Variants in RETREG1 observed in about 807,000 individuals in gnomAD.
RETREG1 encodes the protein family with sequence similarity 134 member B.
In RETREG1, 44 loss-of-function variants were observed where a neutral mutation model predicts 54.8. The observed-to-expected ratio is 0.80, with a 90% CI of 0.63 to 1.03. The LOEUF is 1.03. Among genes scored for constraint, RETREG1 ranks in the 50% least tolerant of loss-of-function variants. The pLI is 0.00. For missense variants in RETREG1, 554 were observed against 605.1 expected (o/e 0.92, Z 0.89); for synonymous variants, 217 against 238.5 (o/e 0.91, Z 0.83).
intron 2 of RETREG1, among the ~76,000 whole-genome samples, chr5:16,568,962 G>T (rs17613128): frequency 0.07 from 10,583 of 152,220 alleles, 419 homozygotes; most frequent in Non-Finnish European, 0.095. Context: ...TGACTTGGTC[G>T]TCCTTTCATT....
At chr5:16,568,633 G>A (rs1374840754) in intron 2 of RETREG1, among the ~76,000 whole-genome samples, 1 of 152,074 alleles carries the variant, frequency 6.6e-6, no homozygotes, top group Non-Finnish European at 1.5e-5. Flanking sequence ...GTAACTGGGA[G>A]TCGTCAAAGT....
intron 3 of RETREG1, among the ~76,000 whole-genome samples, chr5:16,485,803 T>C (rs1336399671): frequency 6.6e-6 from 1 of 152,222 alleles, no homozygotes; most frequent in Non-Finnish European, 1.5e-5. Flanking sequence ...TATCCACTAA[T>C]TTATTCATTT....
intron 3 of RETREG1, among the ~76,000 whole-genome samples, chr5:16,530,443 G>T (rs1740878149): frequency 6.6e-6 from 1 of 152,194 alleles, no homozygotes; most frequent in African/African-American, 2.4e-5. Flanking sequence ...TTATATAGTG[G>T]TTGTGGAGAT....
intron 1 of RETREG1, among the ~76,000 whole-genome samples, chr5:16,574,265 G>A (rs1218662412): frequency 6.6e-6 from 1 of 152,176 alleles, no homozygotes; most frequent in Non-Finnish European, 1.5e-5. Context: ...ACAAGATTGG[G>A]GAGATAGGAT....
At chr5:16,485,654 T>C (rs749522532) in intron 3 of RETREG1, among the ~76,000 whole-genome samples, 1 of 152,230 alleles carries the variant, frequency 6.6e-6, no homozygotes, top group Non-Finnish European at 1.5e-5. Context: ...ATTGTCACTA[T>C]AGAGATAATG....
intron 5 of RETREG1, among the ~76,000 whole-genome samples, chr5:16,480,594 A>C (rs1738725586): frequency 6.6e-6 from 1 of 152,138 alleles, no homozygotes; most frequent in Non-Finnish European, 1.5e-5. Flanking sequence ...CTTGCTCTGC[A>C]TCCCTCCTAA....
At chr5:16,570,679 A>G (rs1742148953) in intron 2 of RETREG1, among the ~76,000 whole-genome samples, 1 of 152,234 alleles carries the variant, frequency 6.6e-6, no homozygotes, top group African/African-American at 2.4e-5. Flanking sequence ...CAGATAAATA[A>G]GAATCATCAA....
chr5:16,573,742 G>GTTTTTTTTTTTT (rs34651832), intron 1 of RETREG1, among the ~76,000 whole-genome samples: 3 of 126,534 alleles, frequency 2.4e-5, no homozygotes, highest in South Asian at 2.5e-4. Flanking sequence ...TTTGTTTTTT[G>GTTTTTTTTTTTT]TTTTTTTTTT....
At chr5:16,510,758 C>T (rs1260840970) in intron 3 of RETREG1, among the ~76,000 whole-genome samples, 1 of 147,752 alleles carries the variant, frequency 6.8e-6, no homozygotes, top group Non-Finnish European at 1.5e-5. Flanking sequence ...CCACTGCACT[C>T]CAGTCTAGGT....
Position 16,516,063 on chromosome 5 carries a change from C to CAA in RETREG1, c.459-32593_459-32592dup, listed in dbSNP as rs11351805. Reference sequence around the variant, plus strand: ...TTCCATGTAAATAGTTGAAATAAAGCAAAAAAAAAAAAAAAAGTGCAACTT... The same window carrying CAA: ...TTCCATGTAAATAGTTGAAATAAAGCAAAAAAAAAAAAAAAAAAGTGCAACTT... On this transcript the variant is annotated intron_variant, in intron 3 of 8. Coordinates refer to ENST00000306320, the MANE Select transcript of RETREG1 (RefSeq NM_001034850.3). Among the ~76,000 whole-genome samples, 962 of 121,220 alleles carry CAA rather than the reference C, an allele frequency of 7.9e-3. 11 individuals are homozygous for CAA. The highest frequency in any genetic ancestry group is 0.027 in the African/African-American group (918 of 33,406). 79.5% of individuals were successfully genotyped at this position (121,220 alleles called of 152,430 possible). A position where few individuals can be genotyped will look rare whatever the true frequency, so the allele number is the denominator to read the frequency against.
At chr5:16,542,935 TAATC>T (rs1741290161) in intron 3 of RETREG1, among the ~76,000 whole-genome samples, 2 of 152,198 alleles carry the variant, frequency 1.3e-5, no homozygotes, top group South Asian at 4.1e-4. Context: ...AAAATCAACA[TAATC>T]AATACCACCA....
intron 1 of RETREG1, among the ~76,000 whole-genome samples, chr5:16,589,496 T>C (rs971143413): frequency 5.9e-5 from 9 of 152,184 alleles, no homozygotes; most frequent in Non-Finnish European, 2.9e-5. Context: ...TGCCTCAGCC[T>C]CCTGAGTAGG....
Position 16,474,993 on chromosome 5 carries a change from C to T in RETREG1, c.1242G>A (p.Gly414=). ...QTFHLMSNLA[G]DVITAAVTAA... ...CAGTCACTGCAGCTGTGATAACATC[C>T]CCAGCCAGGTTGCTCATCAGGTGAA... The change falls in exon 9 of 9, where the codon GGG becomes GGA. Residue 414 remains glycine, a synonymous_variant. Coordinates refer to ENST00000306320, the MANE Select transcript of RETREG1 (RefSeq NM_001034850.3). 6.2e-7 allele frequency: 1 copy of T among 1,613,298 alleles called. No homozygotes were observed. The highest frequency in any genetic ancestry group is 8.5e-7 in the Non-Finnish European group (1 of 1,179,400).
At chr5:16,502,101 C>T (rs577764994) in intron 3 of RETREG1, among the ~76,000 whole-genome samples, 16 of 151,864 alleles carry the variant, frequency 1.1e-4, no homozygotes, top group African/African-American at 3.1e-4. Context: ...GGACTACAGG[C>T]GCCCGCCACC....
chr5:16,542,420 T>G (rs530205375), intron 3 of RETREG1, among the ~76,000 whole-genome samples: 2 of 152,340 alleles, frequency 1.3e-5, no homozygotes, highest in South Asian at 4.1e-4. Context: ...AAGACAGTCA[T>G]AGACTGTCAA....
At chr5:16,562,357 C>A (rs984890884) in intron 3 of RETREG1, among the ~76,000 whole-genome samples, 5 of 152,036 alleles carry the variant, frequency 3.3e-5, no homozygotes, top group Admixed American at 3.3e-4. Flanking sequence ...AGACACTTAC[C>A]CAAGGCAGCC....
chr5:16,571,968 C>T, intron 2 of RETREG1, 28 bp downstream of exon 2: 1 of 1,514,302 alleles, frequency 6.6e-7, no homozygotes, highest in South Asian at 1.1e-5. Context: ...AATTAAATAC[C>T]ATATAAATAA....
chr5:16,561,035 G>A lies in RETREG1; in HGVS notation c.458+4728C>T, dbSNP rs557170093. 2.0e-4 allele frequency among the ~76,000 whole-genome samples: 31 copies of A among 152,262 alleles called. No homozygotes were observed. Among genetic ancestry groups the A allele is most frequent in the Non-Finnish European group, 4.0e-4 (27 of 68,034 alleles). Reference sequence around the variant, plus strand: ...TCATACACTTCTCAGGCTGTATGGGGTACTTGCAACAGTTCACTTGTACCT... The same window carrying A: ...TCATACACTTCTCAGGCTGTATGGGATACTTGCAACAGTTCACTTGTACCT... On this transcript the variant is annotated intron_variant, in intron 3 of 8. Transcript: ENST00000306320. This position sits in a 1 kb window ranked among gnomAD's most constrained non-coding sequence, Gnocchi z 4.2.
rs908246846 is a variant in RETREG1, at chr5:16,475,385, A to G, written c.1001-151T>C. The G allele has an allele frequency of 5.1e-6, 4 of 785,600 alleles. No homozygotes were observed. The African/African-American group carries it at 5.1e-5, about 10-fold the overall frequency. The allele number at this position is 785,600 out of a possible 1,614,324, so 48.7% of individuals were successfully genotyped here. ...GGTCAACTTGAATCAATTTAACCACATACTGAACTCCTCCTAATCCTGCAA... is the reference window on the plus strand; with the variant it reads ...GGTCAACTTGAATCAATTTAACCACGTACTGAACTCCTCCTAATCCTGCAA... On this transcript the variant is annotated intron_variant, in intron 8 of 8. Transcript: ENST00000306320.
Sources: allele counts gnomAD v4.1 joint callset (sites outside exome capture counted in the v4.1 genomes callset), GRCh38; gene constraint gnomAD v4.1.1; non-coding constraint Gnocchi (gnomAD v3.1); transcripts MANE v1.5; gene names NCBI Gene and HGNC (gene_info 2026-07-23, HGNC 2026-07-21).